The following TNPO1 variants were observed in gnomAD, a reference collection of about 807,000 sequenced individuals.
TNPO1 encodes transportin-1.
Under a neutral mutation model 119.5 loss-of-function variants are expected in TNPO1, and 8 were observed. The ratio of observed to expected loss-of-function variants is 0.07; its 90% CI spans 0.04 to 0.12. The LOEUF is 0.12. TNPO1 is among the 10% of genes least tolerant of loss of function. The pLI is 1.00. For missense variants in TNPO1, 576 were observed against 1,089.8 expected, an observed-to-expected ratio of 0.53 and a Z score of 6.64; for synonymous variants, 362 against 363.0, an observed-to-expected ratio of 1.00 and a Z score of 0.03.
At chr5:72,852,911 A>T (rs1745689924) in intron 3 of TNPO1, among the ~76,000 whole-genome samples, 1 of 152,078 alleles carries the variant, frequency 6.6e-6, no homozygotes, top group African/African-American at 2.4e-5. Flanking sequence ...TAATATAGAA[A>T]TTTTTCTGAC....
At chr5:72,879,809 A>G (rs769892692) in intron 9 of TNPO1, among the ~76,000 whole-genome samples, 4 of 152,230 alleles carry the variant, frequency 2.6e-5, no homozygotes, top group Non-Finnish European at 5.9e-5. Context: ...ACACTTGCCT[A>G]GTATAATACG....
At chr5:72,851,984 A>G (rs1343033912) in intron 3 of TNPO1, among the ~76,000 whole-genome samples, 2 of 152,230 alleles carry the variant, frequency 1.3e-5, no homozygotes, top group Non-Finnish European at 2.9e-5. Flanking sequence ...AAAAATTGAA[A>G]GGTCATATAA....
At position 72,882,503 on chromosome 5, in the gene TNPO1, A is replaced by C; in HGVS notation, c.957A>C (p.Ser319=). ...TGTTAGTGAATGGCATGAAGTACTC[A>C]GACATAGATATTATCCTACTTAAGG... ...IPVLVNGMKY[S]DIDIILLKGD... is the part of the protein sequence containing the mutation. The change falls in exon 10 of 25, where the codon TCA becomes TCC. Residue 319 remains serine (S), a synonymous_variant. Transcript: ENST00000337273. 1 of 1,610,042 alleles carries C rather than the reference A, an allele frequency of 6.2e-7. No individual in the cohort carries two copies. Among genetic ancestry groups the C allele is most frequent in the Non-Finnish European group, 8.5e-7 (1 of 1,178,050 alleles).
intron 4 of TNPO1, 60 bp from the exon 5 acceptor site, chr5:72,861,748 A>T (rs1746465329): frequency 8.3e-7 from 1 of 1,203,790 alleles, no homozygotes; most frequent in African/African-American, 1.5e-5. Context: ...ACAGTTGCTC[A>T]CATGGCAATG....
chr5:72,848,765 G>A (rs1032502282), intron 2 of TNPO1, among the ~76,000 whole-genome samples: 2 of 147,600 alleles, frequency 1.4e-5, no homozygotes, highest in Non-Finnish European at 3.0e-5. Context: ...AGGAGGCGGG[G>A]GCCCCCGGCC....
At chr5:72,869,601 T>TA (rs1187062328) in intron 6 of TNPO1, among the ~76,000 whole-genome samples, 2 of 152,120 alleles carry the variant, frequency 1.3e-5, no homozygotes, top group Non-Finnish European at 2.9e-5. Flanking sequence ...GAAGAAAGGC[T>TA]AAAAATCAGA....
At chr5:72,872,787 T>C (rs750602084) in intron 7 of TNPO1, 67 bp downstream of exon 7, 16 of 858,950 alleles carry the variant, frequency 1.9e-5, no homozygotes, top group Non-Finnish European at 2.4e-5. Flanking sequence ...TAGGTGATGC[T>C]AACTGCATGT....
intron 20 of TNPO1, 100 bp downstream of exon 20, chr5:72,897,251 G>A (rs1188160913): frequency 1.3e-6 from 1 of 751,356 alleles, no homozygotes; most frequent in East Asian, 2.8e-5. Flanking sequence ...TTAAAATCGA[G>A]CTTATTTTGT....
At chr5:72,831,752 A>G (rs1266237736) in intron 1 of TNPO1, among the ~76,000 whole-genome samples, 1 of 151,932 alleles carries the variant, frequency 6.6e-6, no homozygotes, top group Non-Finnish European at 1.5e-5. Flanking sequence ...TTTTATAACT[A>G]TGAAGATTTT....
At chr5:72,865,405 G>GTACT (rs67661762) in intron 5 of TNPO1, among the ~76,000 whole-genome samples, 191 bp from the exon 6 acceptor site, 1 of 150,688 alleles carries the variant, frequency 6.6e-6, no homozygotes, top group Non-Finnish European at 1.5e-5. Flanking sequence ...TGGTGCCACT[G>GTACT]CCAGCCTGGG....
At chr5:72,850,685 T>G (rs1003423759) in intron 2 of TNPO1, among the ~76,000 whole-genome samples, 1 of 152,180 alleles carries the variant, frequency 6.6e-6, no homozygotes, top group African/African-American at 2.4e-5. Flanking sequence ...AGGGGAAGAA[T>G]TGTACAGCTG....
chr5:72,875,911 A>G lies in TNPO1; in HGVS notation c.801+174A>G, dbSNP rs75331982. ...TTCTGGGTATAGTTGTACATACTGT[A>G]TAACTTTGGAAGTGTTTTAAGTAGT... On this transcript the variant is annotated intron_variant, in intron 8 of 24. Transcript: ENST00000337273. Among the ~76,000 whole-genome samples, 974 of 152,284 alleles carry G rather than the reference A, an allele frequency of 6.4e-3. 11 individuals are homozygous for G. The highest frequency in any genetic ancestry group is 0.022 in the African/African-American group (934 of 41,556).
chr5:72,845,306 A>T (rs1230074443), intron 1 of TNPO1, among the ~76,000 whole-genome samples: 1 of 152,190 alleles, frequency 6.6e-6, no homozygotes. Flanking sequence ...TTTAATTAAT[A>T]TAAATGTAGT....
At position 72,905,375 on chromosome 5, in the gene TNPO1, T is replaced by C. The variant is rs751216074; in HGVS notation, c.2662T>C (p.Leu888=). The change falls in exon 24 of 25, where the codon TTA becomes CTA. Residue 888 remains leucine, a synonymous_variant. Coordinates refer to ENST00000337273, the MANE Select transcript of TNPO1 (RefSeq NM_002270.4). ...TTTCTCTGACCAGTTTCCTCTTCCC[T>C]TAAAAGAGCGTCTTGCAGCTTTTTA... ...RRFSDQFPLP[L]KERLAAFYGV is the part of the protein sequence containing the mutation. 1 of 1,611,852 alleles carries C rather than the reference T, an allele frequency of 6.2e-7. No homozygotes were observed. The highest frequency in any genetic ancestry group is 2.2e-5 in the East Asian group (1 of 44,836).
chr5:72,857,390 C>T (rs1414319742), intron 4 of TNPO1, among the ~76,000 whole-genome samples: 1 of 151,920 alleles, frequency 6.6e-6, no homozygotes, highest in Non-Finnish European at 1.5e-5. Flanking sequence ...AAAGCATTGG[C>T]TCTATGACCT....
At chr5:72,864,844 G>A (rs541113688) in intron 5 of TNPO1, among the ~76,000 whole-genome samples, 1 of 151,820 alleles carries the variant, frequency 6.6e-6, no homozygotes, top group Non-Finnish European at 1.5e-5. Flanking sequence ...CCTGACCTCA[G>A]GTAATCCACC....
At chr5:72,858,485 G>A (rs540012695) in intron 4 of TNPO1, among the ~76,000 whole-genome samples, 10 of 152,160 alleles carry the variant, frequency 6.6e-5, no homozygotes, top group African/African-American at 2.4e-4. Context: ...GTGGTGGAAA[G>A]TATGATTGAC....
intron 1 of TNPO1, among the ~76,000 whole-genome samples, chr5:72,831,636 T>C (rs1025539579): frequency 6.6e-6 from 1 of 152,124 alleles, no homozygotes. Context: ...GTAAAACTTC[T>C]GTTCTCTAAT....
At chr5:72,879,610 T>C (rs1187213110) in intron 9 of TNPO1, among the ~76,000 whole-genome samples, 1 of 152,200 alleles carries the variant, frequency 6.6e-6, no homozygotes, top group Non-Finnish European at 1.5e-5. Flanking sequence ...TTCATACTGC[T>C]TGGCCTCCCA....
Sources: allele counts gnomAD v4.1 joint callset (sites outside exome capture counted in the v4.1 genomes callset), GRCh38; gene constraint gnomAD v4.1.1; transcripts MANE v1.5; gene names NCBI Gene and HGNC (gene_info 2026-07-23, HGNC 2026-07-21).